The following DNAH11 variants were observed in gnomAD, a reference collection of about 807,000 sequenced individuals.
DNAH11 encodes axonemal beta dynein heavy chain 11.
Under a neutral mutation model 526.0 loss-of-function variants are expected in DNAH11, and 442 were observed. The observed-to-expected ratio is 0.84, with a 90% CI of 0.78 to 0.91. DNAH11 has a LOEUF of 0.91. Ranked by LOEUF, DNAH11 falls within the 40% of genes least tolerant of loss-of-function variation. The pLI, the probability that DNAH11 is intolerant of heterozygous loss-of-function variation, is 0.00. For missense variants in DNAH11, 6,989 were observed against 5,448.7 expected (o/e 1.28, Z -8.90); for synonymous variants, 2,461 against 1,935.9 (o/e 1.27, Z -7.12).
chr7:21,622,582 A>G (rs147541639), intron 25 of DNAH11, among the ~76,000 whole-genome samples: 2,038 of 152,338 alleles, frequency 0.013, 47 homozygotes, highest in African/African-American at 0.047. Context: ...CTACAAGGCT[A>G]CAGTAACCAA....
At chr7:21,679,142 A>G (rs1006641057) in intron 30 of DNAH11, among the ~76,000 whole-genome samples, 1 of 152,216 alleles carries the variant, frequency 6.6e-6, no homozygotes, top group Admixed American at 6.5e-5. Flanking sequence ...AGCTAAACAC[A>G]GAAAGACAAA....
intron 21 of DNAH11, 39 bp from the exon 22 acceptor site, chr7:21,616,170 A>C: frequency 6.5e-7 from 1 of 1,528,544 alleles, no homozygotes; most frequent in East Asian, 2.3e-5. Flanking sequence ...TGCTTTCACC[A>C]AATGTTGTTG....
At chr7:21,635,480 A>T (rs1786817893) in intron 25 of DNAH11, among the ~76,000 whole-genome samples, 1 of 152,102 alleles carries the variant, frequency 6.6e-6, no homozygotes, top group Non-Finnish European at 1.5e-5. Flanking sequence ...TAATAAACAC[A>T]TACCTATACA....
At chr7:21,691,006 G>A in intron 35 of DNAH11, 125 bp downstream of exon 35, 2 of 684,280 alleles carry the variant, frequency 2.9e-6, no homozygotes, top group Non-Finnish European at 5.0e-6. Flanking sequence ...TGATTTCCTT[G>A]GGCTCCTTTT....
intron 9 of DNAH11, among the ~76,000 whole-genome samples, chr7:21,585,367 A>G (rs567755459): frequency 1.3e-5 from 2 of 152,302 alleles, no homozygotes; most frequent in Admixed American, 1.3e-4. Flanking sequence ...TGTACTTAGA[A>G]AAATATTGCA....
intron 20 of DNAH11, among the ~76,000 whole-genome samples, chr7:21,609,883 T>C (rs1477781536): frequency 2.0e-5 from 3 of 152,078 alleles, no homozygotes; most frequent in Admixed American, 2.0e-4. Context: ...GAGAGTGGGC[T>C]AGGGAAGGTC....
At chr7:21,842,423 A>G in intron 65 of DNAH11, 121 bp from the exon 66 acceptor site, 1 of 776,532 alleles carries the variant, frequency 1.3e-6, no homozygotes, top group South Asian at 2.9e-5. Flanking sequence ...TAGCTGAAAA[A>G]TTCTCAATCA....
At position 21,601,516 on chromosome 7, in the gene DNAH11, A is replaced by T. The variant is rs752114445; in HGVS notation, c.3546A>T (p.Arg1182=). Residue 1182 remains arginine, a synonymous_variant, in exon 18 of 82, where the codon CGA becomes CGT. Transcript: ENST00000409508. ...IMVHLLAVRS[R]QRATDELFEP... is the part of the protein sequence containing the mutation. Reference sequence around the variant, plus strand: ...TGCATCTTCTGGCTGTAAGAAGCCGACAGAGAGCTACTGATGAACTCTTTG... The same window carrying T: ...TGCATCTTCTGGCTGTAAGAAGCCGTCAGAGAGCTACTGATGAACTCTTTG... The T allele has an allele frequency of 1.2e-6, 2 of 1,613,802 alleles. No individual in the cohort carries two copies. Among genetic ancestry groups the T allele is most frequent in the East Asian group, 4.5e-5 (2 of 44,868 alleles).
chr7:21,635,306 G>A (rs954674936), intron 25 of DNAH11, among the ~76,000 whole-genome samples: 2 of 152,116 alleles, frequency 1.3e-5, no homozygotes, highest in East Asian at 1.9e-4. Flanking sequence ...ACAGGCGCCC[G>A]TCACCACGCC....
chr7:21,551,116 A>C (rs1453581887), intron 2 of DNAH11, among the ~76,000 whole-genome samples: 1 of 152,092 alleles, frequency 6.6e-6, no homozygotes, highest in Non-Finnish European at 1.5e-5. Context: ...TAGTTTTCTC[A>C]TGGAGTTTAC....
At chr7:21,742,960 A>T (rs1158648258) in intron 49 of DNAH11, among the ~76,000 whole-genome samples, 2 of 152,194 alleles carry the variant, frequency 1.3e-5, no homozygotes, top group Non-Finnish European at 2.9e-5. Flanking sequence ...CTGCTTCCAA[A>T]ATGGTGCCTT....
chr7:21,812,906 C>T (rs367593973), intron 63 of DNAH11, among the ~76,000 whole-genome samples: 4 of 152,208 alleles, frequency 2.6e-5, no homozygotes, highest in Admixed American at 6.5e-5. Context: ...CTGGGGTTGA[C>T]GGCCATTACC....
At chr7:21,687,666 T>A (rs1783439629) in intron 34 of DNAH11, 139 bp downstream of exon 34, 2 of 1,061,396 alleles carry the variant, frequency 1.9e-6, no homozygotes, top group Non-Finnish European at 2.7e-6. Flanking sequence ...TTTGGGGGAA[T>A]TATTTTGAAT....
intron 65 of DNAH11, among the ~76,000 whole-genome samples, chr7:21,830,720 T>C (rs1422723022): frequency 6.6e-6 from 1 of 152,202 alleles, no homozygotes; most frequent in African/African-American, 2.4e-5. Context: ...GTGGCTCTTC[T>C]TGATCTAATA....
At chr7:21,881,446 C>T (rs1396802310) in intron 75 of DNAH11, among the ~76,000 whole-genome samples, 2 of 152,240 alleles carry the variant, frequency 1.3e-5, no homozygotes, top group Middle Eastern at 3.4e-3. Flanking sequence ...GATTTTATTT[C>T]GTAGCTAAAA....
intron 9 of DNAH11, among the ~76,000 whole-genome samples, chr7:21,584,576 A>T (rs996847168): frequency 6.6e-6 from 1 of 151,956 alleles, no homozygotes; most frequent in African/African-American, 2.4e-5. Context: ...TTAAAGTATT[A>T]AAAAAAATTC....
chr7:21,574,320 GA>G (rs1384274918), intron 8 of DNAH11, among the ~76,000 whole-genome samples: 1 of 152,174 alleles, frequency 6.6e-6, no homozygotes, highest in Non-Finnish European at 1.5e-5. Flanking sequence ...CTCTGTTAAT[GA>G]GAGCCAGTTA....
chr7:21,785,397 A>C (rs550918347), intron 58 of DNAH11, among the ~76,000 whole-genome samples: 1 of 152,346 alleles, frequency 6.6e-6, no homozygotes, highest in South Asian at 2.1e-4. Flanking sequence ...ATTATTATGC[A>C]TTCAAATAGC....
At chr7:21,543,690 C>A in intron 1 of DNAH11, 94 bp downstream of exon 1, 2 of 1,379,132 alleles carry the variant, frequency 1.5e-6, no homozygotes, top group South Asian at 1.4e-5. Flanking sequence ...GCGGGGCGCT[C>A]ACTCGGGCAC....
Sources: allele counts gnomAD v4.1 joint callset (sites outside exome capture counted in the v4.1 genomes callset), GRCh38; gene constraint gnomAD v4.1.1; transcripts MANE v1.5; gene names NCBI Gene and HGNC (gene_info 2026-07-23, HGNC 2026-07-21).